The following TRAF3 variants were observed in gnomAD, a reference collection of about 807,000 sequenced individuals.
TRAF3 encodes TNF receptor-associated factor 3.
In TRAF3, 13 loss-of-function variants were observed where a neutral mutation model predicts 62.3. That is an observed-to-expected ratio of 0.21 (90% confidence interval 0.14 to 0.33). The LOEUF (loss-of-function observed/expected upper bound fraction) is 0.33. TRAF3 is among the 10% of genes least tolerant of loss of function. The probability of loss-of-function intolerance (pLI) is 1.00; values close to 1 mark genes in which losing one functional copy is unlikely to be tolerated. For synonymous variants in TRAF3, 269 were observed against 283.4 expected, an observed-to-expected ratio of 0.95 and a Z score of 0.51; for missense variants, 440 against 741.8, an observed-to-expected ratio of 0.59 and a Z score of 4.73.
rs938242290 is a variant in TRAF3 at position 102,906,158 on chromosome 14, G to A, written c.*374G>A. 3 of 190,818 alleles carry A rather than the reference G, an allele frequency of 1.6e-5. No homozygotes were observed. The highest frequency in any genetic ancestry group is 3.3e-5 in the Non-Finnish European group (3 of 91,090). The allele number at this position is 190,818 out of a possible 1,614,324, so 11.8% of individuals were successfully genotyped here. ...AAACACACACACACACACACGTGGG[G>A]ATAGCTGGACATGTCAGCATGTTAA... is the stretch of plus-strand genomic sequence containing the variant. On this transcript the variant is annotated 3_prime_UTR_variant, in exon 12 of 12. Coordinates refer to ENST00000392745, the MANE Select transcript of TRAF3 (RefSeq NM_145725.3).
intron 1 of TRAF3, among the ~76,000 whole-genome samples, chr14:102,828,816 C>G (rs1055292942): frequency 3.9e-5 from 6 of 152,138 alleles, no homozygotes; most frequent in African/African-American, 1.4e-4. Flanking sequence ...AAGAGATCTG[C>G]TTTTTCTTTG....
At position 102,879,664 on chromosome 14, in the gene TRAF3, C is replaced by A. The variant is rs553444456; in HGVS notation, c.570+3139C>A. Among the ~76,000 whole-genome samples, 9 of 149,420 alleles carry A rather than the reference C, an allele frequency of 6.0e-5. No individual in the cohort carries two copies. In the South Asian group the frequency reaches 2.1e-3, roughly 35 times the overall value. On this transcript the variant is annotated intron_variant, in intron 6 of 11. Coordinates refer to ENST00000392745, the MANE Select transcript of TRAF3 (RefSeq NM_145725.3). ...GGTGCAAAAGTAATTGCGTTTTTTGCCATTAAAAGTAATGGCAAAAACGGC... is the reference window on the plus strand; with the variant it reads ...GGTGCAAAAGTAATTGCGTTTTTTGACATTAAAAGTAATGGCAAAAACGGC...
At chr14:102,802,501 G>A (rs1414944177) in intron 1 of TRAF3, among the ~76,000 whole-genome samples, 2 of 150,436 alleles carry the variant, frequency 1.3e-5, no homozygotes, top group Admixed American at 6.6e-5. Flanking sequence ...GTGTTAGAAG[G>A]TGGCTGTATT....
At chr14:102,872,709 T>TG (rs377375864) in intron 4 of TRAF3, among the ~76,000 whole-genome samples, 1 of 151,776 alleles carries the variant, frequency 6.6e-6, no homozygotes, top group Non-Finnish European at 1.5e-5. Context: ...CTTTTTTTTT[T>TG]GCGACAGAGT....
intron 2 of TRAF3, among the ~76,000 whole-genome samples, chr14:102,833,761 G>A (rs1217302848): frequency 2.6e-5 from 4 of 152,136 alleles, no homozygotes; most frequent in Admixed American, 6.5e-5. Context: ...TTGGGAGGTC[G>A]AGGCGGGTGG....
intron 10 of TRAF3, among the ~76,000 whole-genome samples, chr14:102,902,751 C>T (rs897145508): frequency 1.3e-5 from 2 of 152,152 alleles, no homozygotes; most frequent in African/African-American, 2.4e-5. Context: ...AGGGTGAGGT[C>T]GGATCCTGGT....
In TRAF3 at chr14:102,871,903, G is replaced by T. The variant is rs1033169257; in HGVS notation, c.246-14G>T. On this transcript the variant is annotated splice_polypyrimidine_tract_variant and intron_variant, in intron 3 of 11. Coordinates refer to ENST00000392745, the MANE Select transcript of TRAF3 (RefSeq NM_145725.3). ...GACTTCCACTCTAATGCAGTCACTT[G>T]TGTTTCCCTGCAGCTCTTCAAGTCC... is the stretch of plus-strand genomic sequence containing the variant. 4 of 1,613,696 alleles carry T rather than the reference G, an allele frequency of 2.5e-6. No individual in the cohort carries two copies. The Admixed American group carries it at 6.7e-5, about 27-fold the overall frequency.
At chr14:102,827,586 T>C (rs1900400491) in intron 1 of TRAF3, among the ~76,000 whole-genome samples, 1 of 152,226 alleles carries the variant, frequency 6.6e-6, no homozygotes, top group African/African-American at 2.4e-5. Context: ...TGTGGTGGTA[T>C]GTTGGTACTC....
rs575695155 is a variant in TRAF3 at position 102,873,611 on chromosome 14, C to A, written c.297+1643C>A. Among the ~76,000 whole-genome samples the A allele has an allele frequency of 2.6e-3, 392 of 152,282 alleles. 3 individuals carry two copies. The highest frequency in any genetic ancestry group is 4.8e-3 in the Non-Finnish European group (328 of 68,012). On this transcript the variant is annotated intron_variant, in intron 4 of 11. Transcript: ENST00000392745. ...GGAGAGAATGGAGCTGTCTGGGCCC[C>A]GGGTGACCCGGATCCTCACCCGTCA...
At chr14:102,878,828 T>C (rs1888870545) in intron 6 of TRAF3, among the ~76,000 whole-genome samples, 1 of 151,414 alleles carries the variant, frequency 6.6e-6, no homozygotes, top group African/African-American at 2.4e-5. Flanking sequence ...GGAAAGGCAC[T>C]GGGCAGCCCA....
intron 1 of TRAF3, among the ~76,000 whole-genome samples, chr14:102,807,444 T>G (rs1027866528): frequency 6.6e-6 from 1 of 152,224 alleles, no homozygotes; most frequent in Non-Finnish European, 1.5e-5. Context: ...CAGGGCTGTG[T>G]CCCTTTCTAC....
At chr14:102,834,298 A>G (rs1885839489) in intron 2 of TRAF3, among the ~76,000 whole-genome samples, 2 of 152,204 alleles carry the variant, frequency 1.3e-5, no homozygotes, top group Admixed American at 1.3e-4. Flanking sequence ...CTGCACACCT[A>G]CAACCATCTC....
Position 102,855,795 on chromosome 14 carries a change from A to G in TRAF3, c.-17-14390A>G, listed in dbSNP as rs1251150181. Among the ~76,000 whole-genome samples the G allele has an allele frequency of 1.0e-4, 7 of 69,488 alleles. No homozygotes were observed. The East Asian group carries it at 3.9e-3, about 39-fold the overall frequency. The allele number at this position is 69,488 out of a possible 152,430, so 45.6% of individuals were successfully genotyped here. A position where few individuals can be genotyped will look rare whatever the true frequency, so the allele number is the denominator to read the frequency against. Reference sequence around the variant, plus strand: ...TGGGCTACAGAATGAGACTTTATCTAAAAAAAAAAAAAAAGGCCAGGTACG... The same window carrying G: ...TGGGCTACAGAATGAGACTTTATCTGAAAAAAAAAAAAAAGGCCAGGTACG... On this transcript the variant is annotated intron_variant, in intron 2 of 11. Transcript: ENST00000392745.
intron 2 of TRAF3, among the ~76,000 whole-genome samples, chr14:102,847,390 G>T (rs1295796587): frequency 6.6e-6 from 1 of 152,084 alleles, no homozygotes; most frequent in South Asian, 2.1e-4. Flanking sequence ...GGCCCGGCTG[G>T]TCTCGAACTC....
In TRAF3 at chr14:102,780,550, G is replaced by A. The variant is rs772628133; in HGVS notation, c.-157+2875G>A. Among the ~76,000 whole-genome samples, 37 of 148,780 alleles carry A rather than the reference G, an allele frequency of 2.5e-4. No homozygotes were observed. The Middle Eastern group carries it at 0.01, about 42-fold the overall frequency. Reference sequence around the variant, plus strand: ...TTTTTTTCTTTCGGTGAAGCTTATTGTCGGCCTGTACAGATGACTTGGAGT... The same window carrying A: ...TTTTTTTCTTTCGGTGAAGCTTATTATCGGCCTGTACAGATGACTTGGAGT... On this transcript the variant is annotated intron_variant, in intron 1 of 11. Transcript: ENST00000392745.
At chr14:102,845,980 CAAAAAAAAAAAAA>C (rs35353834) in intron 2 of TRAF3, among the ~76,000 whole-genome samples, 1 of 56,850 alleles carries the variant, frequency 1.8e-5, no homozygotes, top group Non-Finnish European at 3.7e-5. Context: ...GACCGTGTCT[CAAAAAAAAAAAAA>C]AAAAAAAAAA....
intron 1 of TRAF3, among the ~76,000 whole-genome samples, chr14:102,803,796 C>A (rs1898593773): frequency 6.6e-6 from 1 of 152,198 alleles, no homozygotes; most frequent in Non-Finnish European, 1.5e-5. Flanking sequence ...TGATTTCTCT[C>A]AGCCCATCTG....
intron 1 of TRAF3, among the ~76,000 whole-genome samples, chr14:102,800,905 G>A (rs376656453): frequency 1.4e-3 from 220 of 152,152 alleles, no homozygotes; most frequent in African/African-American, 5.1e-3. Context: ...CTGGCCGGGC[G>A]CGGTGGCTCA....
chr14:102,830,570 T>A (rs952493634), intron 2 of TRAF3, 98 bp downstream of exon 2: 1 of 152,236 alleles, frequency 6.6e-6, no homozygotes, highest in Non-Finnish European at 1.5e-5. Context: ...ACTCTGTAAT[T>A]TAGAATTTTA....
Sources: allele counts gnomAD v4.1 joint callset (sites outside exome capture counted in the v4.1 genomes callset), GRCh38; gene constraint gnomAD v4.1.1; transcripts MANE v1.5; gene names NCBI Gene and HGNC (gene_info 2026-07-23, HGNC 2026-07-21).